CRACDL: variants seen among roughly 807,000 people sequenced by gnomAD.
The protein encoded by CRACDL is CRACD like.
CRACDL carries 26 observed loss-of-function variants against 70.6 expected under a neutral mutation model. The ratio of observed to expected loss-of-function variants is 0.37; its 90% CI spans 0.27 to 0.51. The LOEUF (loss-of-function observed/expected upper bound fraction) is 0.51, where lower values mean the gene tolerates loss of function less well. Ranked by LOEUF, CRACDL falls within the 20% of genes least tolerant of loss-of-function variation. The pLI, the probability that CRACDL is intolerant of heterozygous loss-of-function variation, is 0.94. For synonymous variants in CRACDL, 618 were observed against 615.2 expected, an observed-to-expected ratio of 1.00 and a Z score of -0.07; for missense variants, 1,283 against 1,376.9, an observed-to-expected ratio of 0.93 and a Z score of 1.08.
intron 7 of CRACDL, among the ~76,000 whole-genome samples, chr2:98,814,422 G>C (rs1704701136): frequency 6.6e-6 from 1 of 152,232 alleles, no homozygotes; most frequent in Non-Finnish European, 1.5e-5. Context: ...ATATAGTGGT[G>C]TAGTGTTTAA....
At chr2:98,836,136 G>A (rs1705770004) in intron 3 of CRACDL, among the ~76,000 whole-genome samples, 1 of 152,120 alleles carries the variant, frequency 6.6e-6, no homozygotes, top group Admixed American at 6.5e-5. Flanking sequence ...AAAGGGAGAG[G>A]GCAAAAGGAA....
chr2:98,875,210 C>A (rs1463341915), intron 1 of CRACDL, among the ~76,000 whole-genome samples: 1 of 152,242 alleles, frequency 6.6e-6, no homozygotes, highest in East Asian at 1.9e-4. Flanking sequence ...CACCACGAGT[C>A]ACAGAAGAGA....
At chr2:98,893,509 C>T (rs1345629498) in intron 1 of CRACDL, among the ~76,000 whole-genome samples, 1 of 152,132 alleles carries the variant, frequency 6.6e-6, no homozygotes, top group Non-Finnish European at 1.5e-5. Flanking sequence ...TGGTCTCGAT[C>T]TCCTGACCTC....
At chr2:98,802,789 G>A (rs964355696) in intron 7 of CRACDL, among the ~76,000 whole-genome samples, 1 of 152,226 alleles carries the variant, frequency 6.6e-6, no homozygotes, top group Admixed American at 6.5e-5. Flanking sequence ...GTCAAGCACA[G>A]TCTCCTGAGA....
chr2:98,868,341 G>A lies in CRACDL; in HGVS notation c.-10-21531C>T, dbSNP rs561759884. 3.3e-4 allele frequency among the ~76,000 whole-genome samples: 50 copies of A among 150,816 alleles called. 1 individual carries two copies. In the South Asian group the frequency reaches 0.01, roughly 30 times the overall value. ...AGACCGTTCGCCCAGCTCAAGTGAT[G>A]TGCGGATATAACCATCACCTGTACT... On this transcript the variant is annotated intron_variant, in intron 1 of 9. Coordinates refer to ENST00000397899, the MANE Select transcript of CRACDL (RefSeq NM_207362.3).
chr2:98,873,667 G>T (rs375632221), intron 1 of CRACDL, among the ~76,000 whole-genome samples: 5 of 152,316 alleles, frequency 3.3e-5, no homozygotes, highest in African/African-American at 1.2e-4. Context: ...ACATTACAAC[G>T]TGCTTTTCCT....
At chr2:98,866,472 CT>C (rs869154325) in intron 1 of CRACDL, among the ~76,000 whole-genome samples, 1 of 107,812 alleles carries the variant, frequency 9.3e-6, no homozygotes, top group African/African-American at 3.5e-5. Context: ...ACAATCACTT[CT>C]TCTTTTTTTT....
At chr2:98,916,474 G>C (rs906859066) in intron 1 of CRACDL, among the ~76,000 whole-genome samples, 1 of 151,370 alleles carries the variant, frequency 6.6e-6, no homozygotes, top group Non-Finnish European at 1.5e-5. Flanking sequence ...AATGTGTGCA[G>C]ATTATATGTC....
At chr2:98,819,190 G>A (rs1320822528) in intron 7 of CRACDL, among the ~76,000 whole-genome samples, 5 of 152,204 alleles carry the variant, frequency 3.3e-5, no homozygotes, top group African/African-American at 1.2e-4. Context: ...ATTTTATAGT[G>A]AAGAAAGCCT....
At position 98,831,932 on chromosome 2, in the gene CRACDL, G is replaced by A. The variant is rs142173128; in HGVS notation, c.540+416C>T. ...CCTCAAGGTCACAAACTCAGGCACC[G>A]GAGACCATCAGAGCCTCAACTATCA... On this transcript the variant is annotated intron_variant, in intron 5 of 9. Transcript: ENST00000397899. Among the ~76,000 whole-genome samples, 359 of 152,148 alleles carry A rather than the reference G, an allele frequency of 2.4e-3. 1 individual carries two copies. The highest frequency in any genetic ancestry group is 7.9e-3 in the African/African-American group (328 of 41,512).
At chr2:98,861,067 A>G (rs1706915170) in intron 1 of CRACDL, among the ~76,000 whole-genome samples, 2 of 152,098 alleles carry the variant, frequency 1.3e-5, no homozygotes, top group African/African-American at 4.8e-5. Flanking sequence ...GTAAATAAAA[A>G]CCATAGTGAT....
rs749600144 is a variant in CRACDL, at chr2:98,822,277, G to A, written c.1996C>T (p.Pro666Ser). 1.3e-6 allele frequency: 2 copies of A among 1,575,840 alleles called. No individual in the cohort carries two copies. The highest frequency in any genetic ancestry group is 1.7e-6 in the Non-Finnish European group (2 of 1,169,294). Reference protein sequence around the residue: ...EAAAAPGTREPCPAAQEPAPS... With the variant: ...EAAAAPGTRESCPAAQEPAPS... ...GCCGGCTCCTGGGCGGCTGGGCAGG[G>A]CTCTCTCGTGCCGGGCGCGGCGGCC... Residue 666 changes from proline to serine, a missense_variant, in exon 7 of 10, where the codon CCC (proline) becomes TCC (serine). By Grantham distance (74) the Pro-to-Ser change is moderately conservative. Around this residue, in one of 2 missense-constraint regions of CRACDL, gnomAD observed 921 missense variants for 881.9 expected, o/e 1.04. Coordinates refer to ENST00000397899, the MANE Select transcript of CRACDL (RefSeq NM_207362.3). The surrounding 1 kb of genome is among the most constrained non-coding windows in gnomAD (Gnocchi z 4.9).
intron 1 of CRACDL, among the ~76,000 whole-genome samples, chr2:98,891,168 C>T (rs1281171501): frequency 6.6e-6 from 1 of 151,618 alleles, no homozygotes; most frequent in Non-Finnish European, 1.5e-5. Context: ...CACTTGAGGT[C>T]AGTAGTTCAA....
At chr2:98,913,396 G>A (rs772387319) in intron 1 of CRACDL, among the ~76,000 whole-genome samples, 106 of 152,312 alleles carry the variant, frequency 7.0e-4, no homozygotes, top group Middle Eastern at 6.8e-3. Context: ...GTCAGCCAGC[G>A]GGGCAGGTCC....
intron 1 of CRACDL, among the ~76,000 whole-genome samples, chr2:98,862,262 A>C (rs573149470): frequency 6.6e-6 from 1 of 152,300 alleles, no homozygotes; most frequent in South Asian, 2.1e-4. Flanking sequence ...TGCAACAATT[A>C]AAACAAACAA....
chr2:98,896,898 T>C (rs982841925), intron 1 of CRACDL, among the ~76,000 whole-genome samples: 1 of 152,178 alleles, frequency 6.6e-6, no homozygotes, highest in African/African-American at 2.4e-5. Flanking sequence ...GACTGTACTC[T>C]CTCTCCCTTG....
At chr2:98,884,219 G>C (rs879700035) in intron 1 of CRACDL, among the ~76,000 whole-genome samples, 1 of 152,216 alleles carries the variant, frequency 6.6e-6, no homozygotes, top group Non-Finnish European at 1.5e-5. Flanking sequence ...GAGTCCAAGA[G>C]GGAGCCTGGA....
At chr2:98,837,116 T>C (rs1313719916) in intron 3 of CRACDL, among the ~76,000 whole-genome samples, 2 of 144,244 alleles carry the variant, frequency 1.4e-5, no homozygotes, top group African/African-American at 2.6e-5. Flanking sequence ...GCACAGTATA[T>C]CCCTTCCACA....
At chr2:98,835,975 C>T (rs1705760934) in intron 3 of CRACDL, among the ~76,000 whole-genome samples, 1 of 152,142 alleles carries the variant, frequency 6.6e-6, no homozygotes, top group African/African-American at 2.4e-5. Context: ...CCTGCTTGAA[C>T]CTGACAGAAT....
Sources: allele counts gnomAD v4.1 joint callset (sites outside exome capture counted in the v4.1 genomes callset), GRCh38; gene constraint gnomAD v4.1.1; regional missense constraint gnomAD v4.1.1; non-coding constraint Gnocchi (gnomAD v3.1); transcripts MANE v1.5; gene names NCBI Gene and HGNC (gene_info 2026-07-23, HGNC 2026-07-21).